The following CNGB3 variants were observed in gnomAD, a reference collection of about 807,000 sequenced individuals.
CNGB3 encodes the protein cyclic nucleotide-gated channel beta-3.
A neutral mutation model predicts 92.8 loss-of-function variants in CNGB3; 86 were observed. The observed-to-expected ratio is 0.93, with a 90% CI of 0.78 to 1.11. The LOEUF (loss-of-function observed/expected upper bound fraction) is 1.11. Ranked by LOEUF, CNGB3 falls within the 50% of genes least tolerant of loss-of-function variation. The pLI, the probability that CNGB3 is intolerant of heterozygous loss-of-function variation, is 0.00. For missense variants in CNGB3, 1,026 were observed against 956.8 expected (o/e 1.07, Z -0.95); for synonymous variants, 333 against 332.7 (o/e 1.00, Z -0.01).
At chr8:86,635,694 C>G (rs1264060286) in intron 10 of CNGB3, among the ~76,000 whole-genome samples, 2 of 151,026 alleles carry the variant, frequency 1.3e-5, no homozygotes. Flanking sequence ...CTTAATTAGT[C>G]AAGTGTGTCC....
intron 6 of CNGB3, chr8:86,660,305 A>C: frequency 3.0e-6 from 1 of 331,928 alleles, no homozygotes; most frequent in Non-Finnish European, 5.9e-6. Flanking sequence ...GCAGGGTGGG[A>C]GGTGGGGTTG....
intron 3 of CNGB3, 31 bp from the exon 4 acceptor site, chr8:86,671,129 G>A (rs1330213779): frequency 1.2e-6 from 2 of 1,610,470 alleles, no homozygotes; most frequent in East Asian, 4.5e-5. Context: ...CAATAGAGAT[G>A]GGCCCATGAA....
At chr8:86,582,557 C>T (rs978464978) in intron 15 of CNGB3, among the ~76,000 whole-genome samples, 2 of 151,984 alleles carry the variant, frequency 1.3e-5, no homozygotes, top group African/African-American at 4.8e-5. Flanking sequence ...TGCAGAAAAC[C>T]AAAGACAAAA....
rs1821664161 is a variant in CNGB3 at position 86,576,444 on chromosome 8, C to CT, written c.2104-315dup. 2.0e-5 allele frequency among the ~76,000 whole-genome samples: 3 copies of CT among 152,026 alleles called. No individual in the cohort carries two copies. The South Asian group carries it at 6.2e-4, about 32-fold the overall frequency. On this transcript the variant is annotated intron_variant, in intron 17 of 17. Transcript: ENST00000320005. ...CTCAGTGCTCAGGACTCTGTTTTTG[C>CT]TTTTTAAATATTTACTTATTCTGTA... is the stretch of plus-strand genomic sequence containing the variant.
chr8:86,694,901 G>A (rs1487496842), intron 3 of CNGB3, among the ~76,000 whole-genome samples: 1 of 152,034 alleles, frequency 6.6e-6, no homozygotes, highest in Non-Finnish European at 1.5e-5. Context: ...ACGGGGTGGC[G>A]CCCGGGCAGA....
At chr8:86,592,353 C>G (rs574549156) in intron 15 of CNGB3, among the ~76,000 whole-genome samples, 3 of 152,250 alleles carry the variant, frequency 2.0e-5, no homozygotes, top group African/African-American at 2.4e-5. Context: ...ATTCGGCCAT[C>G]TTGGCTCCTC....
chr8:86,635,853 TATATATATATACAC>T (rs1478820322), intron 10 of CNGB3, among the ~76,000 whole-genome samples: 1,764 of 80,298 alleles, frequency 0.022, 38 homozygotes, highest in Non-Finnish European at 0.031. Context: ...TATATATATA[TATATATATATACAC>T]ATACACATAT....
chr8:86,693,872 G>A (rs1266022855), intron 3 of CNGB3, among the ~76,000 whole-genome samples: 4 of 152,180 alleles, frequency 2.6e-5, no homozygotes, highest in South Asian at 2.1e-4. Flanking sequence ...GCAACCATCC[G>A]ACCTCTCAAT....
At chr8:86,658,062 C>T in intron 6 of CNGB3, 1 of 533,944 alleles carries the variant, frequency 1.9e-6, no homozygotes, top group Non-Finnish European at 3.5e-6. Flanking sequence ...GGCTCTGCAG[C>T]TTCTCCATGG....
intron 3 of CNGB3, among the ~76,000 whole-genome samples, chr8:86,703,605 G>A (rs541063773): frequency 6.6e-6 from 1 of 152,290 alleles, no homozygotes; most frequent in South Asian, 2.1e-4. Context: ...TCTAAGCAGA[G>A]TTCAAGCTTT....
At chr8:86,723,278 T>A (rs1825006341) in intron 3 of CNGB3, among the ~76,000 whole-genome samples, 1 of 152,128 alleles carries the variant, frequency 6.6e-6, no homozygotes. Flanking sequence ...TAAGAAAACT[T>A]CTTTTAAATT....
chr8:86,648,768 A>C (rs564074299), intron 7 of CNGB3, among the ~76,000 whole-genome samples: 1 of 151,212 alleles, frequency 6.6e-6, no homozygotes, highest in Non-Finnish European at 1.5e-5. Flanking sequence ...GTAAGGCCAC[A>C]CATATAAAAT....
chr8:86,719,960 C>T (rs1031103753), intron 3 of CNGB3, among the ~76,000 whole-genome samples: 1 of 152,134 alleles, frequency 6.6e-6, no homozygotes, highest in Non-Finnish European at 1.5e-5. Context: ...AAGAACGAAA[C>T]TGGATCCTGG....
chr8:86,739,631 T>C, intron 2 of CNGB3, 24 bp downstream of exon 2: 2 of 1,601,206 alleles, frequency 1.2e-6, no homozygotes, highest in Non-Finnish European at 1.7e-6. Context: ...TTTTTTTTTT[T>C]TTTTTTTCAG....
At chr8:86,707,524 T>A (rs1431769814) in intron 3 of CNGB3, 1 of 152,630 alleles carries the variant, frequency 6.6e-6, no homozygotes, top group East Asian at 1.9e-4. Context: ...AGTGAGAGAA[T>A]GACAGTGGCA....
chr8:86,576,106 C>T lies in CNGB3; in HGVS notation c.2128G>A (p.Glu710Lys). ...TCTTCATTTTCTTTTCCTTCTTCCT[C>T]TCCTCCTTCAGAATTTTCTTTCTTC... Reference protein sequence around the residue: ...AQKKENSEGGEEEGKENEDKQ... With the variant: ...AQKKENSEGGKEEGKENEDKQ... The change falls in exon 18 of 18, where the codon GAG becomes AAG. Residue 710 changes from glutamate to lysine, a missense_variant. Physicochemically the swap from Glu to Lys is moderately conservative, Grantham distance 56. Transcript: ENST00000320005. 1 of 1,604,056 alleles carries T rather than the reference C, an allele frequency of 6.2e-7. No homozygotes were observed. Among genetic ancestry groups the T allele is most frequent in the Non-Finnish European group, 8.5e-7 (1 of 1,177,852 alleles).
intron 2 of CNGB3, 106 bp from the exon 3 acceptor site, chr8:86,726,763 T>G: frequency 4.5e-6 from 6 of 1,336,284 alleles, no homozygotes; most frequent in Non-Finnish European, 6.4e-6. Flanking sequence ...TAGAATAGTC[T>G]TCTCAAGAAC....
intron 10 of CNGB3, among the ~76,000 whole-genome samples, chr8:86,638,486 C>T (rs1823117367): frequency 6.6e-6 from 1 of 152,102 alleles, no homozygotes; most frequent in Admixed American, 6.6e-5. Flanking sequence ...CCCTTCTATA[C>T]TTATCTTTCT....
In CNGB3 at chr8:86,577,355, T is replaced by C. The variant is rs929668460; in HGVS notation, c.2104-1225A>G. Among the ~76,000 whole-genome samples, 8 of 152,226 alleles carry C rather than the reference T, an allele frequency of 5.3e-5. 1 individual carries two copies. The highest frequency in any genetic ancestry group is 1.9e-4 in the African/African-American group (8 of 41,456). ...ACAAAGTTATTTTGGGCTTTAAACATTTGTGATCTATAGTAATTGAATATT... is the reference window on the plus strand; with the variant it reads ...ACAAAGTTATTTTGGGCTTTAAACACTTGTGATCTATAGTAATTGAATATT... On this transcript the variant is annotated intron_variant, in intron 17 of 17. Transcript: ENST00000320005.
Sources: allele counts gnomAD v4.1 joint callset (sites outside exome capture counted in the v4.1 genomes callset), GRCh38; gene constraint gnomAD v4.1.1; transcripts MANE v1.5; gene names NCBI Gene and HGNC (gene_info 2026-07-23, HGNC 2026-07-21).